TCF20: variants seen among roughly 807,000 people sequenced by gnomAD.
The protein encoded by TCF20 is SPRE-binding protein.
TCF20 carries 3 observed loss-of-function variants against 148.6 expected under a neutral mutation model. That is an observed-to-expected ratio of 0.02 (90% CI 0.01 to 0.05). The LOEUF is 0.05. Ranked by LOEUF, TCF20 falls within the 10% of genes least tolerant of loss-of-function variation. The pLI is 1.00. For missense variants in TCF20, 2,350 were observed against 2,429.3 expected (o/e 0.97, Z 0.69); for synonymous variants, 1,049 against 909.5 (o/e 1.15, Z -2.76).
At chr22:42,201,051 T>C (rs1218518724) in intron 2 of TCF20, among the ~76,000 whole-genome samples, 1 of 152,224 alleles carries the variant, frequency 6.6e-6, no homozygotes, top group African/African-American at 2.4e-5. Flanking sequence ...CCTGTGATAC[T>C]GAGTTCTCAC....
chr22:42,241,721 A>G (rs1924419647), intron 1 of TCF20, among the ~76,000 whole-genome samples: 1 of 152,024 alleles, frequency 6.6e-6, no homozygotes, highest in South Asian at 2.1e-4. Flanking sequence ...CAGCTACTCG[A>G]GAGGTTAAGG....
At chr22:42,289,952 C>T (rs752263193) in intron 1 of TCF20, among the ~76,000 whole-genome samples, 3 of 152,216 alleles carry the variant, frequency 2.0e-5, no homozygotes, top group Non-Finnish European at 2.9e-5. Flanking sequence ...CCAGATATTG[C>T]GTGCAGGCCG....
At chr22:42,334,026 T>C (rs1365421560) in intron 1 of TCF20, among the ~76,000 whole-genome samples, 1 of 152,038 alleles carries the variant, frequency 6.6e-6, no homozygotes, top group Non-Finnish European at 1.5e-5. Flanking sequence ...TGACTCAACA[T>C]AATGGTACCC....
intron 2 of TCF20, among the ~76,000 whole-genome samples, chr22:42,182,919 T>C (rs146551525): frequency 6.6e-6 from 1 of 152,332 alleles, no homozygotes; most frequent in Non-Finnish European, 1.5e-5. Flanking sequence ...GTTTTTTTAC[T>C]AGAGACGGGG....
Position 42,160,571 on chromosome 22 carries a change from A to G in TCF20, c.*832T>C, listed in dbSNP as rs1242852211. 1 of 152,492 alleles carries G rather than the reference A, an allele frequency of 6.6e-6. No homozygotes were observed. Among genetic ancestry groups the G allele is most frequent in the Non-Finnish European group, 1.5e-5 (1 of 68,032 alleles). The allele number at this position is 152,492 out of a possible 1,614,324, so 9.4% of individuals were successfully genotyped here. A position where few individuals can be genotyped will look rare whatever the true frequency, so the allele number is the denominator to read the frequency against. ...TGATGGGGTCCTTGAGGTCCTCACC[A>G]GCCACAGTGACCCAGGACACAGCTA... is the stretch of plus-strand genomic sequence containing the variant. On this transcript the variant is annotated 3_prime_UTR_variant, in exon 6 of 6. Coordinates refer to ENST00000677622, the MANE Select transcript of TCF20 (RefSeq NM_001378418.1).
At chr22:42,185,766 G>T (rs752699450) in intron 2 of TCF20, among the ~76,000 whole-genome samples, 22 of 152,154 alleles carry the variant, frequency 1.4e-4, no homozygotes, top group Non-Finnish European at 2.9e-4. Flanking sequence ...TACTTCCTTA[G>T]AGCTAGACGA....
chr22:42,166,260 G>C (rs572515103), intron 5 of TCF20, among the ~76,000 whole-genome samples: 1 of 152,322 alleles, frequency 6.6e-6, no homozygotes, highest in Non-Finnish European at 1.5e-5. Context: ...CTCTTCAATG[G>C]GTGAGGCCAC....
In TCF20 at chr22:42,215,246, C is replaced by A. The variant is rs754688990; in HGVS notation, c.60G>T (p.Glu20Asp). 1 of 1,614,190 alleles carries A rather than the reference C, an allele frequency of 6.2e-7. No individual in the cohort carries two copies. Residue 20 changes from glutamate (E) to aspartate (D), a missense_variant, in exon 2 of 6, where the codon GAG (glutamate) becomes GAT (aspartate). Glu to Asp is a conservative substitution (Grantham distance 45). This residue lies in a region of TCF20 where 1,641 missense variants were observed against 1,662.6 expected (regional missense o/e 0.99). Coordinates refer to ENST00000677622, the MANE Select transcript of TCF20 (RefSeq NM_001378418.1). ...YHGNQQSYPQ[E>D]VHGSSRLEEF... The stretch of plus-strand genomic sequence containing the variant: ...CTTCTAGCCGGGATGAGCCGTGTAC[C>A]TCCTGTGGGTAGCTTTGCTGGTTTC...
chr22:42,305,636 C>A (rs1022354605), intron 1 of TCF20, among the ~76,000 whole-genome samples: 4 of 152,162 alleles, frequency 2.6e-5, no homozygotes, highest in Middle Eastern at 3.2e-3. Flanking sequence ...GATGGGGGAC[C>A]ACTTTCCCAG....
intron 1 of TCF20, among the ~76,000 whole-genome samples, chr22:42,314,325 G>A (rs760853304): frequency 1.3e-5 from 2 of 152,252 alleles, no homozygotes; most frequent in African/African-American, 2.4e-5. Flanking sequence ...GGCTTGACAC[G>A]GACCAGCTGC....
At chr22:42,260,650 A>C (rs1157829778) in intron 1 of TCF20, among the ~76,000 whole-genome samples, 1 of 152,038 alleles carries the variant, frequency 6.6e-6, no homozygotes, top group African/African-American at 2.4e-5. Context: ...ATGCCTGGTT[A>C]ATTTTTAAAA....
At chr22:42,199,803 T>C (rs943732967) in intron 2 of TCF20, among the ~76,000 whole-genome samples, 1 of 143,832 alleles carries the variant, frequency 7.0e-6, no homozygotes, top group African/African-American at 2.6e-5. Flanking sequence ...TGAGCTGGGA[T>C]CGCACCACTG....
upstream of TCF20, among the ~76,000 whole-genome samples, chr22:42,272,313 C>A (rs1926652218): frequency 6.6e-6 from 1 of 152,220 alleles, no homozygotes; most frequent in African/African-American, 2.4e-5. Flanking sequence ...CAGCACAAAT[C>A]AATGTTTTCT....
At chr22:42,239,423 C>G (rs1249913703) in intron 1 of TCF20, among the ~76,000 whole-genome samples, 8 of 151,552 alleles carry the variant, frequency 5.3e-5, no homozygotes, top group Non-Finnish European at 1.2e-4. Context: ...TTGCAGTGAG[C>G]CAAAATCACG....
chr22:42,182,786 G>C (rs2147103374), intron 2 of TCF20, among the ~76,000 whole-genome samples: 1 of 152,338 alleles, frequency 6.6e-6, no homozygotes, highest in African/African-American at 2.4e-5. Context: ...ACCCAGGCTA[G>C]AGTGCAGTGG....
chr22:42,181,329 G>A (rs1371005629), intron 2 of TCF20, among the ~76,000 whole-genome samples: 3 of 152,008 alleles, frequency 2.0e-5, no homozygotes, highest in Non-Finnish European at 4.4e-5. Flanking sequence ...GATTACAGGC[G>A]TATGCCACCA....
At chr22:42,308,698 G>GTCCTT (rs1927479117) in intron 1 of TCF20, among the ~76,000 whole-genome samples, 1 of 152,168 alleles carries the variant, frequency 6.6e-6, no homozygotes, top group Non-Finnish European at 1.5e-5. Context: ...CTTCAAGTGA[G>GTCCTT]TCCTTGAGGG....
In TCF20 at chr22:42,213,778, GTTC is replaced by G. The variant is rs1416059281; in HGVS notation, c.1525_1527del (p.Glu509del). On this transcript the variant is annotated inframe_deletion, in exon 2 of 6. Coordinates refer to ENST00000677622, the MANE Select transcript of TCF20 (RefSeq NM_001378418.1). ...GACTCTGCCATAGGGGACTTCAGCT[GTTC>G]TTCAGGTTGTGAGGAGCCTTCAGAA... 1.2e-6 allele frequency: 2 copies of G among 1,614,006 alleles called. No homozygotes were observed. The highest frequency in any genetic ancestry group is 2.7e-5 in the African/African-American group (2 of 74,912).
At chr22:42,199,789 G>A (rs557473909) in intron 2 of TCF20, among the ~76,000 whole-genome samples, 1 of 146,814 alleles carries the variant, frequency 6.8e-6, no homozygotes, top group East Asian at 2.0e-4. Context: ...GGCAGAGGTT[G>A]CAGTGAGCTG....
Sources: gnomAD v4.1 joint callset for allele counts (sites outside exome capture counted in the v4.1 genomes callset) on GRCh38, gnomAD v4.1.1 for gene constraint, gnomAD v4.1.1 regional missense constraint, MANE v1.5 for transcripts, NCBI Gene and HGNC (gene_info 2026-07-23, HGNC 2026-07-21) for gene names.